Variants in MKS1 observed in about 807,000 individuals in gnomAD.
MKS1 encodes the protein tectonic-like complex member MKS1.
A neutral mutation model predicts 83.7 loss-of-function variants in MKS1; 70 were observed. The observed-to-expected ratio is 0.84, with a 90% CI of 0.69 to 1.02. MKS1 has a LOEUF of 1.02. MKS1 is among the 50% of genes least tolerant of loss of function. The pLI is 0.00. For synonymous variants in MKS1, 251 were observed against 273.4 expected (o/e 0.92, Z 0.81); for missense variants, 681 against 726.9 (o/e 0.94, Z 0.73).
In MKS1 at chr17:58,208,127, G is replaced by A. The variant is rs1350409690; in HGVS notation, c.1143C>T (p.Phe381=). Residue 381 remains phenylalanine, a synonymous_variant, in exon 13 of 18, where the codon TTC becomes TTT. Coordinates refer to ENST00000393119, the MANE Select transcript of MKS1 (RefSeq NM_017777.4). ...CACCAGAAGATTCATCCTCATGGAG[G>A]AAGAAGGCTTCAAACGTGAATGGGT... ...FSYPFTFEAF[F]LHEDESSDAL... 6.2e-7 allele frequency: 1 copy of A among 1,613,950 alleles called. No individual in the cohort carries two copies. The highest frequency in any genetic ancestry group is 1.1e-5 in the South Asian group (1 of 91,072).
At chr17:58,215,710 C>CA (rs1357671782) in intron 4 of MKS1, 2 of 297,104 alleles carry the variant, frequency 6.7e-6, no homozygotes, top group Non-Finnish European at 1.3e-5. Flanking sequence ...CCCATATACT[C>CA]AGAGTTTGGG....
chr17:58,217,710 CAGG>C (rs760561142), intron 2 of MKS1, among the ~76,000 whole-genome samples: 62 of 152,236 alleles, frequency 4.1e-4, no homozygotes, highest in Non-Finnish European at 8.2e-4. Context: ...GAGGCTGAGG[CAGG>C]AGGATGGCTT....
chr17:58,216,880 A>G (rs1969252314), intron 2 of MKS1, 144 bp from the exon 3 acceptor site: 7 of 798,250 alleles, frequency 8.8e-6, no homozygotes, highest in Non-Finnish European at 1.5e-5. Flanking sequence ...CACTCAACCT[A>G]GAGAAATGCT....
chr17:58,218,346 G>A (rs1969361133), intron 2 of MKS1, among the ~76,000 whole-genome samples: 1 of 150,978 alleles, frequency 6.6e-6, no homozygotes, highest in Non-Finnish European at 1.5e-5. Flanking sequence ...TACTCGGGAG[G>A]CTGAGGCAGG....
chr17:58,213,041 T>C lies in MKS1; in HGVS notation c.799A>G (p.Asn267Asp), dbSNP rs1355030646. The change falls in exon 8 of 18, where the codon AAT becomes GAT. Residue 267 changes from asparagine (N) to aspartate (D), a missense_variant. Asn to Asp is a conservative substitution (Grantham distance 23). Transcript: ENST00000393119. ...TCCGGCTGTGCGTGGGGGGAAACAT[T>C]GTCGATCGTATATTTCCACAGCTCC... is the stretch of plus-strand genomic sequence containing the variant. Reference protein sequence around the residue: ...KQELWKYTIDNVSPHAQPEEE... With the variant: ...KQELWKYTIDDVSPHAQPEEE... 6.2e-7 allele frequency: 1 copy of C among 1,613,992 alleles called. No homozygotes were observed.
At chr17:58,211,202 T>G (rs1168161761) in intron 9 of MKS1, 180 bp from the exon 10 acceptor site, 7 of 632,084 alleles carry the variant, frequency 1.1e-5, no homozygotes. Flanking sequence ...ATTCCTAAGA[T>G]TCACAATGTA....
intron 1 of MKS1, 26 bp from the exon 2 acceptor site, chr17:58,218,755 G>A (rs757637144): frequency 3.8e-6 from 6 of 1,560,032 alleles, no homozygotes; most frequent in Non-Finnish European, 4.4e-6. Context: ...CAAAATATTC[G>A]TTACCAGACA....
At position 58,208,580 on chromosome 17, in the gene MKS1, C is replaced by T. The variant is rs567026924; in HGVS notation, c.1028G>A (p.Trp343Ter). ...GAGCTGCTGGAATGCTGGGCTTGAC[C>T]AGTCTGAAAGCCAAAGACCAAATAT... Reference protein sequence around the residue: ...HFFVELPTAHWSSPAFQQLSG... With the variant: ...HFFVELPTAH The change falls in exon 12 of 18, where the codon TGG (tryptophan) becomes TAG (stop). Residue 343 changes from tryptophan to a stop codon, truncating the protein, a stop_gained. Coordinates refer to ENST00000393119, the MANE Select transcript of MKS1 (RefSeq NM_017777.4). LOFTEE classifies it high-confidence loss of function. The T allele has an allele frequency of 1.2e-6, 2 of 1,614,120 alleles. No individual in the cohort carries two copies. The highest frequency in any genetic ancestry group is 1.7e-6 in the Non-Finnish European group (2 of 1,180,002).
chr17:58,213,207 G>T, intron 7 of MKS1, 117 bp from the exon 8 acceptor site: 1 of 963,948 alleles, frequency 1.0e-6, no homozygotes, highest in Non-Finnish European at 1.6e-6. Context: ...AGTATATGAT[G>T]ATAAAAGTGG....
Position 58,206,081 on chromosome 17 carries a change from A to G in MKS1, c.1678T>C (p.Ter560GlnextTer51), listed in dbSNP as rs1286667377. 9 of 1,610,218 alleles carry G rather than the reference A, an allele frequency of 5.6e-6. No homozygotes were observed. Among genetic ancestry groups the G allele is most frequent in the Non-Finnish European group, 7.6e-6 (9 of 1,178,788 alleles). Reference protein sequence around the residue: ...LVSPSGTLVS* With the variant: ...LVSPSGTLVSQ Reference sequence around the variant, plus strand: ...CTGTGGGCCAGGGCTGCTGTGAGCTAGGAGACCAGGGTTCCAGAGGGGCTC... The same window carrying G: ...CTGTGGGCCAGGGCTGCTGTGAGCTGGGAGACCAGGGTTCCAGAGGGGCTC... The change falls in exon 18 of 18, where the codon TAG becomes CAG. Residue 560 changes from the stop codon to glutamine, a stop_lost. Transcript: ENST00000393119.
Position 58,206,158 on chromosome 17 carries a change from C to T in MKS1, c.1601G>A (p.Arg534Gln), listed in dbSNP as rs199910690. Residue 534 changes from arginine (R) to glutamine (Q), a missense_variant, in exon 18 of 18, where the codon CGA (arginine) becomes CAA (glutamine). This residue lies in a region of MKS1 where 310 missense variants were observed against 321.7 expected (regional missense o/e 0.96). Transcript: ENST00000393119. ...SIHNVLEAFR[R>Q]ARRRMQEARE... The stretch of plus-strand genomic sequence containing the variant: ...GGCCTCCTGCATGCGGCGCCGGGCT[C>T]GACGGAAGGCCTCTGTAAGGAAAGG... 6.6e-5 allele frequency: 107 copies of T among 1,613,714 alleles called. No homozygotes were observed. The East Asian group carries it at 2.0e-3, about 31-fold the overall frequency.
Position 58,206,551 on chromosome 17 carries a change from T to C in MKS1, c.1408-4A>G, listed in dbSNP as rs552287204. 1.2e-5 allele frequency: 19 copies of C among 1,611,678 alleles called. No homozygotes were observed. The highest frequency in any genetic ancestry group is 1.6e-5 in the Non-Finnish European group (19 of 1,179,894). On this transcript the variant is annotated splice_region_variant and splice_polypyrimidine_tract_variant and intron_variant, in intron 15 of 17. Coordinates refer to ENST00000393119, the MANE Select transcript of MKS1 (RefSeq NM_017777.4). ...CAAAGCGGCTCAGGCGTTCCCCCTGTGGCATGCCATTGGGACAGCCTCAGG... is the reference window on the plus strand; with the variant it reads ...CAAAGCGGCTCAGGCGTTCCCCCTGCGGCATGCCATTGGGACAGCCTCAGG...
Position 58,205,698 on chromosome 17 carries a change from T to C in MKS1, c.*381A>G, listed in dbSNP as rs886053168. The C allele has an allele frequency of 2.9e-5, 39 of 1,322,140 alleles. No homozygotes were observed. The highest frequency in any genetic ancestry group is 3.8e-5 in the Non-Finnish European group (38 of 1,001,272). 81.9% of individuals were successfully genotyped at this position (1,322,140 alleles called of 1,614,324 possible). On this transcript the variant is annotated 3_prime_UTR_variant, in exon 18 of 18. Coordinates refer to ENST00000393119, the MANE Select transcript of MKS1 (RefSeq NM_017777.4). ...TCCTTCCTTCTTTGGTCTTGGAAGA[T>C]GAAAGGCTCCATTTTTAAAGGGTGG...
chr17:58,216,701 T>C lies in MKS1; in HGVS notation c.226A>G (p.Ile76Val). The C allele has an allele frequency of 1.2e-6, 2 of 1,614,106 alleles. No individual in the cohort carries two copies. The highest frequency in any genetic ancestry group is 2.2e-5 in the South Asian group (2 of 91,068). Reference protein sequence around the residue: ...HRPEEDEEEEIVIGWQEKLFS... With the variant: ...HRPEEDEEEEVVIGWQEKLFS... Reference sequence around the variant, plus strand: ...AGCTTCTCCTGCCACCCAATCACAATCTCCTCCTCTTCGTCTTCCTCTGGG... The same window carrying C: ...AGCTTCTCCTGCCACCCAATCACAACCTCCTCCTCTTCGTCTTCCTCTGGG... Residue 76 changes from isoleucine (I) to valine (V), a missense_variant, in exon 3 of 18, where the codon ATT (isoleucine) becomes GTT (valine). Coordinates refer to ENST00000393119, the MANE Select transcript of MKS1 (RefSeq NM_017777.4).
chr17:58,218,810 C>T, intron 1 of MKS1, 81 bp from the exon 2 acceptor site: 1 of 1,302,840 alleles, frequency 7.7e-7, no homozygotes, highest in South Asian at 1.2e-5. Context: ...GGAAACAAAA[C>T]AGAGGAGGTA....
intron 7 of MKS1, among the ~76,000 whole-genome samples, chr17:58,213,369 G>GA (rs1368849380): frequency 6.6e-6 from 1 of 152,134 alleles, no homozygotes; most frequent in Non-Finnish European, 1.5e-5. Flanking sequence ...TCTCTCACCT[G>GA]AAAAATGGAC....
At chr17:58,216,524 T>C in intron 3 of MKS1, 142 bp downstream of exon 3, 1 of 998,632 alleles carries the variant, frequency 1.0e-6, no homozygotes, top group Non-Finnish European at 1.6e-6. Flanking sequence ...GCAATCCCTA[T>C]GTTACAATGC....
Position 58,205,866 on chromosome 17 carries a change from G to A in MKS1, c.*213C>T, listed in dbSNP as rs751103496. On this transcript the variant is annotated 3_prime_UTR_variant, in exon 18 of 18. Transcript: ENST00000393119. ...ATTGACAGTGGCTGCAAATATAAAG[G>A]GGGGGCCACAGGGTCTCTGGCTTTA... 1.5e-5 allele frequency: 22 copies of A among 1,436,796 alleles called. No homozygotes were observed. The highest frequency in any genetic ancestry group is 1.9e-5 in the Non-Finnish European group (21 of 1,091,716). 89.0% of individuals were successfully genotyped at this position (1,436,796 alleles called of 1,614,324 possible). A position where few individuals can be genotyped will look rare whatever the true frequency, so the allele number is the denominator to read the frequency against.
At position 58,213,015 on chromosome 17, in the gene MKS1, C is replaced by T. The variant is rs921504865; in HGVS notation, c.825G>A (p.Glu275=). The part of the protein sequence containing the change: ...IDNVSPHAQP[E]EEERERRVFK... ...ACACTCGCCGTTCCCGCTCCTCCTC[C>T]TCCGGCTGTGCGTGGGGGGAAACAT... The change falls in exon 8 of 18, where the codon GAG becomes GAA. Residue 275 remains glutamate (E), a synonymous_variant. Coordinates refer to ENST00000393119, the MANE Select transcript of MKS1 (RefSeq NM_017777.4). 12 of 1,614,178 alleles carry T rather than the reference C, an allele frequency of 7.4e-6. No individual in the cohort carries two copies. The highest frequency in any genetic ancestry group is 1.0e-5 in the Non-Finnish European group (12 of 1,180,032).
Sources: gnomAD v4.1 joint callset for allele counts (sites outside exome capture counted in the v4.1 genomes callset) on GRCh38, gnomAD v4.1.1 for gene constraint, gnomAD v4.1.1 regional missense constraint, MANE v1.5 for transcripts, NCBI Gene and HGNC (gene_info 2026-07-23, HGNC 2026-07-21) for gene names.